The following RRP12 variants were observed in gnomAD, a reference collection of about 807,000 sequenced individuals.
RRP12 encodes RRP12-like protein.
Under a neutral mutation model 157.3 loss-of-function variants are expected in RRP12, and 78 were observed. The observed-to-expected ratio is 0.50, with a 90% CI of 0.41 to 0.60. The LOEUF (loss-of-function observed/expected upper bound fraction) is 0.60. Among genes scored for constraint, RRP12 ranks in the 20% least tolerant of loss-of-function variants. The pLI, the probability that RRP12 is intolerant of heterozygous loss-of-function variation, is 0.00. For missense variants in RRP12, 1,521 were observed against 1,679.9 expected, an observed-to-expected ratio of 0.91 and a Z score of 1.65; for synonymous variants, 726 against 670.9, an observed-to-expected ratio of 1.08 and a Z score of -1.27.
intron 9 of RRP12, among the ~76,000 whole-genome samples, chr10:97,385,530 G>GAA (rs199908030): frequency 1.8e-4 from 26 of 146,894 alleles, no homozygotes; most frequent in East Asian, 9.9e-4. Context: ...GGCCTTCTTT[G>GAA]AAAAAAAAAA....
At chr10:97,366,280 C>G in intron 28 of RRP12, 47 bp from the exon 29 acceptor site, 1 of 1,602,380 alleles carries the variant, frequency 6.2e-7, no homozygotes, top group African/African-American at 1.3e-5. Context: ...CAGTCCCATG[C>G]TACTCACCCT....
At chr10:97,361,683 G>A (rs1348248866) in intron 30 of RRP12, among the ~76,000 whole-genome samples, 1 of 152,222 alleles carries the variant, frequency 6.6e-6, no homozygotes, top group Non-Finnish European at 1.5e-5. Context: ...GACTCCGACT[G>A]CAATGTAGGG....
At chr10:97,387,051 C>T (rs1221195974) in intron 8 of RRP12, among the ~76,000 whole-genome samples, 1 of 151,990 alleles carries the variant, frequency 6.6e-6, no homozygotes, top group African/African-American at 2.4e-5. Context: ...GGATTGGTTC[C>T]AGGACCCCCC....
chr10:97,374,493 C>T (rs1331337254), intron 15 of RRP12, among the ~76,000 whole-genome samples: 3 of 150,674 alleles, frequency 2.0e-5, no homozygotes, highest in Non-Finnish European at 3.0e-5. Context: ...TAAACAGGGG[C>T]TGGGTGCAGT....
chr10:97,390,335 G>A, intron 6 of RRP12, 88 bp downstream of exon 6: 1 of 982,894 alleles, frequency 1.0e-6, no homozygotes, highest in Non-Finnish European at 1.6e-6. Flanking sequence ...AAGCTCCCCA[G>A]TGCCACTCAG....
chr10:97,382,275 G>C (rs919804909), intron 10 of RRP12, among the ~76,000 whole-genome samples: 7 of 151,890 alleles, frequency 4.6e-5, no homozygotes, highest in African/African-American at 1.7e-4. Flanking sequence ...CTCCTGAGTA[G>C]CTGGGGCTAC....
At chr10:97,401,072 C>T in intron 1 of RRP12, 21 bp downstream of exon 1, 1 of 1,611,110 alleles carries the variant, frequency 6.2e-7, no homozygotes, top group South Asian at 1.1e-5. Flanking sequence ...CCCGGCTGCG[C>T]TCGGGTCTCA....
At chr10:97,373,505 GC>G (rs1844217106) in intron 17 of RRP12, 69 bp downstream of exon 17, 1 of 1,466,460 alleles carries the variant, frequency 6.8e-7, no homozygotes, top group Non-Finnish European at 9.1e-7. Flanking sequence ...AAGGAGTGTA[GC>G]AAGCCAGGGG....
intron 15 of RRP12, among the ~76,000 whole-genome samples, chr10:97,374,886 T>A (rs941052292): frequency 6.6e-6 from 1 of 152,096 alleles, no homozygotes; most frequent in Non-Finnish European, 1.5e-5. Context: ...TATGTGGTAG[T>A]CTGTAATGAG....
chr10:97,379,651 C>G lies in RRP12; in HGVS notation c.1653G>C (p.Val551=). Residue 551 remains valine, a synonymous_variant, in exon 14 of 34, where the codon GTG becomes GTC. Coordinates refer to ENST00000370992, the MANE Select transcript of RRP12 (RefSeq NM_015179.4). ...SMGPEVVLQA[V]PLEIDGSEET... ...ACTCAGAGCCATCAATTTCCAAAGG[C>G]ACAGCCTGCAGCACCACCTCAGGTC... 2 of 1,614,042 alleles carry G rather than the reference C, an allele frequency of 1.2e-6. No individual in the cohort carries two copies. Among genetic ancestry groups the G allele is most frequent in the South Asian group, 2.2e-5 (2 of 91,064 alleles).
chr10:97,377,259 G>A (rs1448299533), intron 15 of RRP12, among the ~76,000 whole-genome samples: 1 of 151,586 alleles, frequency 6.6e-6, no homozygotes, highest in African/African-American at 2.4e-5. Flanking sequence ...GCTCATGCCT[G>A]TACTCCCAGC....
intron 12 of RRP12, 57 bp downstream of exon 12, chr10:97,381,329 A>G (rs1844460675): frequency 3.1e-6 from 4 of 1,290,884 alleles, no homozygotes; most frequent in South Asian, 2.7e-5. Flanking sequence ...TTCGTATTAT[A>G]TAGAACTTTC....
chr10:97,393,181 G>C (rs1844856810), intron 4 of RRP12: 1 of 405,606 alleles, frequency 2.5e-6, no homozygotes, highest in East Asian at 6.9e-5. Context: ...GGCCAAAAAA[G>C]TTTCATTTTC....
At chr10:97,371,691 C>G (rs1434622909) in intron 20 of RRP12, 1 of 201,494 alleles carries the variant, frequency 5.0e-6, no homozygotes, top group Non-Finnish European at 1.0e-5. Flanking sequence ...TGCAAAGGCA[C>G]AGACAGGGCC....
In RRP12 at chr10:97,367,023, C is replaced by T. The variant is rs764641269; in HGVS notation, c.3047+18G>A. On this transcript the variant is annotated intron_variant, in intron 26 of 33. Coordinates refer to ENST00000370992, the MANE Select transcript of RRP12 (RefSeq NM_015179.4). Reference sequence around the variant, plus strand: ...GCCCCTCGCTTGCCCTACCCCCGCCCCTGCTCAGTGCACAGACCCAAACTT... The same window carrying T: ...GCCCCTCGCTTGCCCTACCCCCGCCTCTGCTCAGTGCACAGACCCAAACTT... 8 of 1,613,718 alleles carry T rather than the reference C, an allele frequency of 5.0e-6. No individual in the cohort carries two copies. The highest frequency in any genetic ancestry group is 6.8e-6 in the Non-Finnish European group (8 of 1,179,640).
At chr10:97,358,460 T>A (rs1729305528) in intron 33 of RRP12, 77 bp downstream of exon 33, 4 of 1,080,118 alleles carry the variant, frequency 3.7e-6, no homozygotes, top group Non-Finnish European at 5.6e-6. Flanking sequence ...TAATAAGGCC[T>A]TCCCTTCTTT....
intron 5 of RRP12, 60 bp downstream of exon 5, chr10:97,390,679 T>A: frequency 7.0e-7 from 1 of 1,418,960 alleles, no homozygotes; most frequent in Non-Finnish European, 1.0e-6. Flanking sequence ...CATCTAAGCA[T>A]CACCAAATCA....
chr10:97,396,374 T>G, intron 2 of RRP12, 73 bp from the exon 3 acceptor site: 10 of 1,150,778 alleles, frequency 8.7e-6, no homozygotes, highest in Non-Finnish European at 1.2e-5. Flanking sequence ...CTTTCCTTGC[T>G]CCTTCACAGA....
chr10:97,365,897 T>A (rs1001372868), intron 29 of RRP12: 19 of 614,180 alleles, frequency 3.1e-5, no homozygotes, highest in Middle Eastern at 4.4e-4. Context: ...TAGTTTCCTT[T>A]AAGTTAAATA....
Sources: allele counts gnomAD v4.1 joint callset (sites outside exome capture counted in the v4.1 genomes callset), GRCh38; gene constraint gnomAD v4.1.1; transcripts MANE v1.5; gene names NCBI Gene and HGNC (gene_info 2026-07-23, HGNC 2026-07-21).